Variants in DSCAML1 observed in about 807,000 individuals in gnomAD.
The protein encoded by DSCAML1 is DS cell adhesion molecule like 1, also known as cell adhesion molecule DSCAML1.
DSCAML1 carries 38 observed loss-of-function variants against 200.5 expected under a neutral mutation model. That is an observed-to-expected ratio of 0.19 (90% CI 0.15 to 0.25). DSCAML1 has a LOEUF of 0.25. Among genes scored for constraint, DSCAML1 ranks in the 10% least tolerant of loss-of-function variants. The probability of loss-of-function intolerance (pLI) is 1.00; values close to 1 mark genes in which losing one functional copy is unlikely to be tolerated. For missense variants in DSCAML1, 2,223 were observed against 2,858.8 expected (o/e 0.78, Z 5.07); for synonymous variants, 1,215 against 1,165.0 (o/e 1.04, Z -0.87).
intron 3 of DSCAML1, among the ~76,000 whole-genome samples, chr11:117,603,804 C>T (rs2051511075): frequency 6.6e-6 from 1 of 152,148 alleles, no homozygotes; most frequent in Admixed American, 6.5e-5. Context: ...GGGAAATTTC[C>T]TGAATGATCT....
At chr11:117,577,917 T>C (rs1285444724) in intron 3 of DSCAML1, among the ~76,000 whole-genome samples, 2 of 151,454 alleles carry the variant, frequency 1.3e-5, no homozygotes, top group Non-Finnish European at 2.9e-5. Flanking sequence ...ATTCACCCAG[T>C]TGACCCCTCT....
chr11:117,458,106 T>C (rs2048409300), intron 19 of DSCAML1, among the ~76,000 whole-genome samples: 1 of 152,186 alleles, frequency 6.6e-6, no homozygotes, highest in Admixed American at 6.5e-5. Flanking sequence ...GCTCCAGGCC[T>C]GGGTGGAAGC....
At chr11:117,450,824 A>G in intron 19 of DSCAML1, 136 bp from the exon 20 acceptor site, 1 of 997,528 alleles carries the variant, frequency 1.0e-6, no homozygotes, top group Non-Finnish European at 1.4e-6. Context: ...TGTGGTTTAG[A>G]AGGGGAGGGT....
intron 3 of DSCAML1, chr11:117,709,833 C>G (rs146503997): frequency 1.5e-5 from 7 of 452,638 alleles, no homozygotes; most frequent in Admixed American, 1.4e-4. Context: ...AGCCTGGGAC[C>G]GAGGGCAACC....
At chr11:117,702,439 T>C (rs1450612692) in intron 3 of DSCAML1, among the ~76,000 whole-genome samples, 2 of 151,886 alleles carry the variant, frequency 1.3e-5, no homozygotes, top group African/African-American at 4.8e-5. Context: ...TACCTTAAGC[T>C]TCACCTCCTC....
chr11:117,799,379 C>T (rs1315136356), upstream of DSCAML1, among the ~76,000 whole-genome samples: 1 of 152,168 alleles, frequency 6.6e-6, no homozygotes, highest in Non-Finnish European at 1.5e-5. Context: ...GCCTCACACG[C>T]TGGAAGTAGC....
At chr11:117,591,213 G>T (rs1303596287) in intron 3 of DSCAML1, among the ~76,000 whole-genome samples, 1 of 152,112 alleles carries the variant, frequency 6.6e-6, no homozygotes, top group African/African-American at 2.4e-5. Context: ...GGGTGAGGGG[G>T]GTAATATGGG....
chr11:117,663,615 G>A (rs947775936), intron 3 of DSCAML1, among the ~76,000 whole-genome samples: 4 of 151,370 alleles, frequency 2.6e-5, no homozygotes, highest in African/African-American at 4.9e-5. Context: ...CCACATCGCC[G>A]CCAAGTGCCC....
chr11:117,464,655 G>A (rs1430728780), intron 17 of DSCAML1, among the ~76,000 whole-genome samples: 1 of 152,176 alleles, frequency 6.6e-6, no homozygotes, highest in Non-Finnish European at 1.5e-5. Context: ...CGTGGATGGG[G>A]AGACAGGTGG....
At chr11:117,737,924 AG>A (rs2054349817) in intron 3 of DSCAML1, among the ~76,000 whole-genome samples, 1 of 152,198 alleles carries the variant, frequency 6.6e-6, no homozygotes, top group Admixed American at 6.5e-5. Context: ...TTACACACAC[AG>A]TGAGGAGTCA....
In DSCAML1 at chr11:117,498,880, A is replaced by T. The variant is rs891564323; in HGVS notation, c.2359+4965T>A. 3.3e-5 allele frequency among the ~76,000 whole-genome samples: 5 copies of T among 152,216 alleles called. No homozygotes were observed. The highest frequency in any genetic ancestry group is 5.9e-5 in the Non-Finnish European group (4 of 68,040). On this transcript the variant is annotated intron_variant, in intron 11 of 32. Coordinates refer to ENST00000651296, the MANE Select transcript of DSCAML1 (RefSeq NM_020693.4). The surrounding 1 kb of genome is among the most constrained non-coding windows in gnomAD (Gnocchi z 4.0). ...AAATCAAAACTCAGACCAAACAAAG[A>T]GCCCTTATGGGTTTAATTGGCCATG...
At chr11:117,490,251 C>T (rs776628125) in intron 11 of DSCAML1, among the ~76,000 whole-genome samples, 11 of 152,214 alleles carry the variant, frequency 7.2e-5, no homozygotes, top group African/African-American at 1.2e-4. Flanking sequence ...AACCGGTTCC[C>T]GTCTGTGAAA....
intron 3 of DSCAML1, among the ~76,000 whole-genome samples, chr11:117,669,739 A>C (rs2053061431): frequency 6.6e-6 from 1 of 152,238 alleles, no homozygotes; most frequent in South Asian, 2.1e-4. Context: ...GATGAGATGG[A>C]GCCAAATGTG....
intron 3 of DSCAML1, among the ~76,000 whole-genome samples, chr11:117,758,326 T>G (rs890445494): frequency 2.0e-5 from 3 of 150,962 alleles, no homozygotes; most frequent in African/African-American, 7.3e-5. Flanking sequence ...CTACCGTAAG[T>G]TATTTAATCA....
chr11:117,768,529 TGGA>T (rs1565272878), intron 3 of DSCAML1, among the ~76,000 whole-genome samples: 1 of 152,098 alleles, frequency 6.6e-6, no homozygotes, highest in Non-Finnish European at 1.5e-5. Flanking sequence ...TGCCAGATGA[TGGA>T]GAAGACAGGG....
chr11:117,486,461 G>T (rs1269176184), intron 11 of DSCAML1, among the ~76,000 whole-genome samples: 39 of 49,500 alleles, frequency 7.9e-4, no homozygotes, highest in African/African-American at 3.5e-3. Flanking sequence ...GAAAGTAGCG[G>T]ATGTGAAAAT....
At chr11:117,490,957 G>A (rs779444807) in intron 11 of DSCAML1, among the ~76,000 whole-genome samples, 2 of 152,188 alleles carry the variant, frequency 1.3e-5, no homozygotes, top group African/African-American at 2.4e-5. Context: ...CGGTGAGTCT[G>A]GCCTTCCCTG....
In DSCAML1 at chr11:117,428,550, TG is replaced by T. The variant is rs772963304; in HGVS notation, c.5939del (p.Pro1980GlnfsTer51). ...PQRTLAMPAP[P>X]AGTAPPAPGP... ...CGGGGGCTGGGGGGGCTGTGCCGGC[TG>T]GGGGGGCTGGCATGGCCAGAGTCCT... On this transcript the variant is annotated frameshift_variant, in exon 33 of 33. Coordinates refer to ENST00000651296, the MANE Select transcript of DSCAML1 (RefSeq NM_020693.4). LOFTEE classifies it high-confidence loss of function. The T allele has an allele frequency of 9.2e-6, 13 of 1,409,368 alleles. No homozygotes were observed. The highest frequency in any genetic ancestry group is 4.0e-5 in the Admixed American group (2 of 49,414). The allele number at this position is 1,409,368 out of a possible 1,614,324, so 87.3% of individuals were successfully genotyped here.
At chr11:117,558,759 G>A (rs974417751) in intron 3 of DSCAML1, among the ~76,000 whole-genome samples, 1 of 152,152 alleles carries the variant, frequency 6.6e-6, no homozygotes, top group Admixed American at 6.5e-5. Context: ...CAACTCTAAG[G>A]GGTCCACGTG....
Sources: gnomAD v4.1 joint callset for allele counts (sites outside exome capture counted in the v4.1 genomes callset) on GRCh38, gnomAD v4.1.1 for gene constraint, Gnocchi (gnomAD v3.1) non-coding constraint, MANE v1.5 for transcripts, NCBI Gene and HGNC (gene_info 2026-07-23, HGNC 2026-07-21) for gene names.